CACNA1D: variants seen among roughly 807,000 people sequenced by gnomAD.
CACNA1D encodes the protein calcium voltage-gated channel subunit alpha1 D.
In CACNA1D, 55 loss-of-function variants were observed where a neutral mutation model predicts 257.1. The observed-to-expected ratio is 0.21, with a 90% confidence interval of 0.17 to 0.27. The LOEUF is 0.27. Ranked by LOEUF, CACNA1D falls within the 10% of genes least tolerant of loss-of-function variation. CACNA1D has a pLI of 1.00. For missense variants in CACNA1D, 1,876 were observed against 2,784.0 expected, an observed-to-expected ratio of 0.67 and a Z score of 7.34; for synonymous variants, 980 against 1,014.9, an observed-to-expected ratio of 0.97 and a Z score of 0.65.
chr3:53,579,333 AT>A (rs1222624153), intron 3 of CACNA1D, among the ~76,000 whole-genome samples: 1 of 152,204 alleles, frequency 6.6e-6, no homozygotes, highest in African/African-American at 2.4e-5. Flanking sequence ...GCTAATCATA[AT>A]TGCATTTCTC....
intron 3 of CACNA1D, among the ~76,000 whole-genome samples, chr3:53,557,485 ACT>A (rs1326854658): frequency 6.6e-6 from 1 of 151,308 alleles, no homozygotes; most frequent in Non-Finnish European, 1.5e-5. Flanking sequence ...CAAGAGCGAA[ACT>A]CTGTCTCAAA....
intron 32 of CACNA1D, among the ~76,000 whole-genome samples, chr3:53,771,290 A>G (rs2095365015): frequency 6.6e-6 from 1 of 152,276 alleles, no homozygotes; most frequent in Non-Finnish European, 1.5e-5. Context: ...TGAATCCTGC[A>G]TCTTCATTTT....
intron 3 of CACNA1D, among the ~76,000 whole-genome samples, chr3:53,644,998 T>G (rs1276927564): frequency 1.3e-5 from 2 of 152,358 alleles, no homozygotes. Flanking sequence ...CACTTGTCTT[T>G]TTGACAATAG....
chr3:53,633,386 C>T (rs1311568980), intron 3 of CACNA1D, among the ~76,000 whole-genome samples: 3 of 152,100 alleles, frequency 2.0e-5, no homozygotes, highest in African/African-American at 4.8e-5. Flanking sequence ...GCTCGGGAGG[C>T]GGAGGTTGTA....
intron 29 of CACNA1D, 146 bp from the exon 30 acceptor site, chr3:53,761,852 G>T (rs1003218364): frequency 2.8e-6 from 2 of 706,464 alleles, no homozygotes; most frequent in Non-Finnish European, 5.3e-6. Context: ...TTCCACCAGT[G>T]GACAGTATTG....
chr3:53,726,854 G>A, intron 14 of CACNA1D, 25 bp from the exon 15 acceptor site: 3 of 1,614,056 alleles, frequency 1.9e-6, no homozygotes, highest in Non-Finnish European at 2.5e-6. Context: ...TCCACCTGCT[G>A]GCTGATACCA....
intron 3 of CACNA1D, 103 bp from the exon 4 acceptor site, chr3:53,650,676 C>G: frequency 1.7e-6 from 2 of 1,194,606 alleles, no homozygotes; most frequent in Non-Finnish European, 2.5e-6. Context: ...GAGGGAAATG[C>G]TTATATGTCT....
chr3:53,740,184 G>T, intron 20 of CACNA1D, 96 bp from the exon 21 acceptor site: 1 of 890,818 alleles, frequency 1.1e-6, no homozygotes, highest in Non-Finnish European at 1.9e-6. Context: ...TGGAGGGATG[G>T]GTCTCTGACT....
At chr3:53,645,910 C>G (rs991772083) in intron 3 of CACNA1D, among the ~76,000 whole-genome samples, 12 of 152,278 alleles carry the variant, frequency 7.9e-5, no homozygotes, top group Admixed American at 1.3e-4. Context: ...GGCCCAGGGC[C>G]ACAGCATGAA....
chr3:53,763,143 G>A (rs1400742872), intron 30 of CACNA1D, among the ~76,000 whole-genome samples: 1 of 152,224 alleles, frequency 6.6e-6, no homozygotes, highest in Admixed American at 6.5e-5. Context: ...TCTGACTGGT[G>A]ACACTGGTGA....
At chr3:53,759,099 G>A (rs1002391514) in intron 29 of CACNA1D, among the ~76,000 whole-genome samples, 3 of 152,188 alleles carry the variant, frequency 2.0e-5, no homozygotes, top group African/African-American at 7.2e-5. Flanking sequence ...GATTAAGGGT[G>A]TCAACCTTCA....
chr3:53,660,397 T>C (rs1242167377), intron 5 of CACNA1D, 122 bp downstream of exon 5: 7 of 870,838 alleles, frequency 8.0e-6, no homozygotes, highest in South Asian at 6.9e-5. Context: ...CAGATGACCA[T>C]GGCCTCCTTC....
At chr3:53,658,934 C>G (rs1008572654) in intron 4 of CACNA1D, among the ~76,000 whole-genome samples, 2 of 152,142 alleles carry the variant, frequency 1.3e-5, no homozygotes, top group Non-Finnish European at 2.9e-5. Context: ...CACAACTATA[C>G]CCAATCAGGG....
chr3:53,543,584 A>C (rs1244837922), intron 3 of CACNA1D, among the ~76,000 whole-genome samples: 4 of 152,266 alleles, frequency 2.6e-5, no homozygotes, highest in African/African-American at 9.6e-5. Flanking sequence ...TGTCCTAATA[A>C]TAGCTAACAT....
At chr3:53,649,039 G>C (rs1386322887) in intron 3 of CACNA1D, among the ~76,000 whole-genome samples, 4 of 152,188 alleles carry the variant, frequency 2.6e-5, no homozygotes, top group African/African-American at 9.7e-5. Context: ...ATGGCTGCAT[G>C]GTGGTCAAGA....
chr3:53,810,478 T>G, intron 47 of CACNA1D, 180 bp downstream of exon 47: 1 of 676,770 alleles, frequency 1.5e-6, no homozygotes, highest in Non-Finnish European at 2.7e-6. Context: ...TCACCACCAC[T>G]GGCTGCAGTG....
chr3:53,545,047 T>TA (rs1326921166), intron 3 of CACNA1D, among the ~76,000 whole-genome samples: 1 of 152,222 alleles, frequency 6.6e-6, no homozygotes, highest in African/African-American at 2.4e-5. Flanking sequence ...GTTGGAGAAC[T>TA]ATGGATCCTT....
intron 9 of CACNA1D, among the ~76,000 whole-genome samples, chr3:53,707,335 A>G (rs1186210052): frequency 6.6e-6 from 1 of 152,024 alleles, no homozygotes; most frequent in African/African-American, 2.4e-5. Context: ...GGGGATTCTA[A>G]TGTGAAGCTA....
chr3:53,500,170 T>C (rs560051619), intron 2 of CACNA1D, among the ~76,000 whole-genome samples: 2 of 147,738 alleles, frequency 1.4e-5, no homozygotes, highest in African/African-American at 2.5e-5. Context: ...GGTGAGCAGA[T>C]TGCGAGTCCA....
Sources: gnomAD v4.1 joint callset for allele counts (sites outside exome capture counted in the v4.1 genomes callset) on GRCh38, gnomAD v4.1.1 for gene constraint, MANE v1.5 for transcripts, NCBI Gene and HGNC (gene_info 2026-07-23, HGNC 2026-07-21) for gene names.